AK4: variants seen among roughly 807,000 people sequenced by gnomAD.
The protein encoded by AK4 is adenylate kinase 4.
AK4 carries 13 observed loss-of-function variants against 24.6 expected under a neutral mutation model. That is an observed-to-expected ratio of 0.53 (90% CI 0.34 to 0.84). The LOEUF is 0.84. AK4 is among the 40% of genes least tolerant of loss of function. The pLI is 0.01. For synonymous variants in AK4, 88 were observed against 107.0 expected (o/e 0.82, Z 1.10); for missense variants, 192 against 288.2 (o/e 0.67, Z 2.42).
intron 1 of AK4, among the ~76,000 whole-genome samples, chr1:65,170,027 C>T (rs1303781337): frequency 6.6e-6 from 1 of 152,052 alleles, no homozygotes; most frequent in Admixed American, 6.6e-5. Context: ...GTCCCTCCCA[C>T]CTCCAGGATA....
At chr1:65,152,029 T>C (rs1649787348) in intron 1 of AK4, among the ~76,000 whole-genome samples, 1 of 150,522 alleles carries the variant, frequency 6.6e-6, no homozygotes, top group Non-Finnish European at 1.5e-5. Context: ...TGCACATGTA[T>C]GTATGAGTAT....
At chr1:65,218,970 CAAACAA>C in intron 3 of AK4, 44 bp downstream of exon 3, 17 of 1,435,338 alleles carry the variant, frequency 1.2e-5, no homozygotes, top group Non-Finnish European at 1.5e-5. Flanking sequence ...AAGAAAAAGA[CAAACAA>C]TTTCCATTGA....
At position 65,190,734 on chromosome 1, in the gene AK4, A is replaced by G. The variant is rs752939193; in HGVS notation, c.170A>G (p.Tyr57Cys). The stretch of plus-strand genomic sequence containing the variant: ...GAAGTTGGTGAGATGGCAAAGCAGT[A>G]TATAGAGAAAAGTCTTTTGGTTCCA... Reference protein sequence around the residue: ...STEVGEMAKQYIEKSLLVPDH... With the variant: ...STEVGEMAKQCIEKSLLVPDH... Residue 57 changes from tyrosine to cysteine, a missense_variant, in exon 2 of 5, where the codon TAT becomes TGT. Tyr to Cys is a radical substitution (Grantham distance 194). Coordinates refer to ENST00000327299, the MANE Select transcript of AK4 (RefSeq NM_013410.4). 26 of 1,613,656 alleles carry G rather than the reference A, an allele frequency of 1.6e-5. No individual in the cohort carries two copies. The South Asian group carries it at 2.6e-4, about 16-fold the overall frequency.
At chr1:65,151,381 A>G (rs777653647) in intron 1 of AK4, among the ~76,000 whole-genome samples, 68 of 152,134 alleles carry the variant, frequency 4.5e-4, no homozygotes, top group Non-Finnish European at 7.5e-4. Flanking sequence ...CTGTGCGTCA[A>G]TGTTCTAGGT....
At chr1:65,193,179 T>C (rs899010228) in intron 2 of AK4, among the ~76,000 whole-genome samples, 1 of 152,202 alleles carries the variant, frequency 6.6e-6, no homozygotes, top group African/African-American at 2.4e-5. Context: ...GGGGCATTCA[T>C]TGAAATCTAG....
At chr1:65,166,757 G>A (rs1184014572) in intron 1 of AK4, among the ~76,000 whole-genome samples, 1 of 152,170 alleles carries the variant, frequency 6.6e-6, no homozygotes, top group African/African-American at 2.4e-5. Flanking sequence ...CTGGACTCAA[G>A]CAGTTCTCCC....
intron 1 of AK4, among the ~76,000 whole-genome samples, chr1:65,169,816 G>A (rs1402909748): frequency 6.6e-6 from 1 of 151,962 alleles, no homozygotes; most frequent in Non-Finnish European, 1.5e-5. Context: ...TTTTATCATG[G>A]ATTTTTTGGG....
intron 1 of AK4, among the ~76,000 whole-genome samples, chr1:65,157,243 T>G (rs539029413): frequency 5.6e-4 from 86 of 152,238 alleles, no homozygotes; most frequent in Middle Eastern, 6.3e-3. Flanking sequence ...TCTCATGGAC[T>G]CACAGGAGTC....
At chr1:65,162,689 G>T (rs1277119977) in intron 1 of AK4, among the ~76,000 whole-genome samples, 1 of 151,510 alleles carries the variant, frequency 6.6e-6, no homozygotes, top group Non-Finnish European at 1.5e-5. Flanking sequence ...AAAAAAAAAA[G>T]TGTAAAAATC....
intron 1 of AK4, among the ~76,000 whole-genome samples, chr1:65,153,011 A>G (rs1306260610): frequency 1.3e-5 from 2 of 152,138 alleles, no homozygotes; most frequent in Non-Finnish European, 1.5e-5. Context: ...TTTCTAGAGT[A>G]TGTTCTATTC....
chr1:65,199,335 G>A (rs1263413871), intron 2 of AK4, among the ~76,000 whole-genome samples: 1 of 151,868 alleles, frequency 6.6e-6, no homozygotes, highest in African/African-American at 2.4e-5. Context: ...GAGTCACGAG[G>A]TCAGGAGTTC....
At chr1:65,181,547 T>C (rs10789172) in intron 1 of AK4, among the ~76,000 whole-genome samples, 51,720 of 151,846 alleles carry the variant, frequency 0.34, 9,935 homozygotes, top group African/African-American at 0.52. Flanking sequence ...CCACCATGCC[T>C]GGCTAATTTT....
At chr1:65,224,628 C>A in intron 3 of AK4, 124 bp from the exon 4 acceptor site, 1 of 710,372 alleles carries the variant, frequency 1.4e-6, no homozygotes, top group Non-Finnish European at 2.5e-6. Flanking sequence ...ACCACTGTCA[C>A]CAAGGCCTAA....
intron 2 of AK4, among the ~76,000 whole-genome samples, chr1:65,193,312 G>A (rs1410932890): frequency 8.5e-5 from 13 of 152,176 alleles, no homozygotes; most frequent in Admixed American, 8.5e-4. Flanking sequence ...GCCAAGGAAT[G>A]CTATCCATCT....
chr1:65,186,722 A>G (rs1220486311), intron 1 of AK4, among the ~76,000 whole-genome samples: 1 of 152,170 alleles, frequency 6.6e-6, no homozygotes, highest in Non-Finnish European at 1.5e-5. Context: ...TGGCGTGACT[A>G]TTGCAGAGTG....
At chr1:65,221,205 G>C (rs76642381) in intron 3 of AK4, among the ~76,000 whole-genome samples, 4,342 of 152,188 alleles carry the variant, frequency 0.029, 159 homozygotes, top group African/African-American at 0.086. Context: ...TCATATAATA[G>C]TGAACGCCAG....
At position 65,230,791 on chromosome 1, in the gene AK4, A is replaced by C. The variant is rs1213645764; in HGVS notation, c.*4614A>C. On this transcript the variant is annotated 3_prime_UTR_variant, in exon 5 of 5. Transcript: ENST00000327299. ...AGACAGGAAATGGGCACTCAGAGTC[A>C]CACTGGTAGTTGCACACTGTATCTA... is the stretch of plus-strand genomic sequence containing the variant. The C allele has an allele frequency of 6.6e-6, 1 of 152,236 alleles. No individual in the cohort carries two copies. Among genetic ancestry groups the C allele is most frequent in the Non-Finnish European group, 1.5e-5 (1 of 68,058 alleles). 9.4% of individuals were successfully genotyped at this position (152,236 alleles called of 1,614,324 possible).
chr1:65,175,903 T>G (rs1374100985), intron 1 of AK4, among the ~76,000 whole-genome samples: 1 of 152,228 alleles, frequency 6.6e-6, no homozygotes, highest in Non-Finnish European at 1.5e-5. Context: ...GCTGCTTATA[T>G]AAAGCCGCGT....
Position 65,231,335 on chromosome 1 carries a change from TTG to T in AK4, c.*5169_*5170del, listed in dbSNP as rs998618279. On this transcript the variant is annotated 3_prime_UTR_variant, in exon 5 of 5. Coordinates refer to ENST00000327299, the MANE Select transcript of AK4 (RefSeq NM_013410.4). ...AGGGAGTTCCCCAATTTGATCATTTTTGTGTGTGTGTGGTGTGTGTGTGAGAG... is the reference window on the plus strand; with the variant it reads ...AGGGAGTTCCCCAATTTGATCATTTTTGTGTGTGTGGTGTGTGTGTGAGAG... The T allele has an allele frequency of 2.0e-5, 3 of 152,650 alleles. No homozygotes were observed. The highest frequency in any genetic ancestry group is 4.4e-5 in the Non-Finnish European group (3 of 68,308). 9.5% of individuals were successfully genotyped at this position (152,650 alleles called of 1,614,324 possible).
Sources: gnomAD v4.1 joint callset for allele counts (sites outside exome capture counted in the v4.1 genomes callset) on GRCh38, gnomAD v4.1.1 for gene constraint, MANE v1.5 for transcripts, NCBI Gene and HGNC (gene_info 2026-07-23, HGNC 2026-07-21) for gene names.